Variants in PCOLCE2 observed in about 807,000 individuals in gnomAD.
PCOLCE2 encodes procollagen C-endopeptidase enhancer 2, also known as procollagen C-proteinase enhancer 2.
PCOLCE2 carries 42 observed loss-of-function variants against 47.0 expected under a neutral mutation model. That is an observed-to-expected ratio of 0.89 (90% CI 0.70 to 1.16). PCOLCE2 has a LOEUF of 1.16. Among genes scored for constraint, PCOLCE2 ranks in the 50% most tolerant of loss-of-function variants. The probability of loss-of-function intolerance (pLI) is 0.00; values close to 1 mark genes in which losing one functional copy is unlikely to be tolerated. For synonymous variants in PCOLCE2, 169 were observed against 191.7 expected (o/e 0.88, Z 0.98); for missense variants, 500 against 526.1 (o/e 0.95, Z 0.49).
intron 6 of PCOLCE2, among the ~76,000 whole-genome samples, chr3:142,826,078 C>G (rs1020985765): frequency 3.1e-4 from 47 of 152,010 alleles, no homozygotes; most frequent in Non-Finnish European, 5.9e-5. Context: ...GATGTCGGCT[C>G]ACTGCAAACT....
At position 142,848,214 on chromosome 3, in the gene PCOLCE2, T is replaced by C. The variant is rs767917860; in HGVS notation, c.448+3A>G. 26 of 1,613,110 alleles carry C rather than the reference T, an allele frequency of 1.6e-5. 1 individual carries two copies. In the South Asian group the frequency reaches 2.0e-4, roughly 12 times the overall value. On this transcript the variant is annotated splice_donor_region_variant and intron_variant, in intron 3 of 8. Coordinates refer to ENST00000295992, the MANE Select transcript of PCOLCE2 (RefSeq NM_013363.4). ...TGTTATTGCCATTATGTGGAAACAG[T>C]ACCTCTTTCGTTTGGTTCAGCAGCG...
At chr3:142,880,213 G>C (rs745988486) in intron 2 of PCOLCE2, among the ~76,000 whole-genome samples, 4 of 149,770 alleles carry the variant, frequency 2.7e-5, no homozygotes, top group Admixed American at 2.7e-4. Context: ...AATGAGCCTA[G>C]TGCAACCAAT....
At chr3:142,888,289 G>A (rs1355138523) in intron 1 of PCOLCE2, among the ~76,000 whole-genome samples, 1 of 152,218 alleles carries the variant, frequency 6.6e-6, no homozygotes, top group African/African-American at 2.4e-5. Flanking sequence ...GGCTGAAGAG[G>A]TGATGCCAAA....
At chr3:142,820,107 A>T (rs186641364) in intron 8 of PCOLCE2, among the ~76,000 whole-genome samples, 7,788 of 145,230 alleles carry the variant, frequency 0.054, 272 homozygotes, top group Non-Finnish European at 0.078. Flanking sequence ...AGGAACTTAA[A>T]TTTTTTTTTT....
At chr3:142,832,955 A>G (rs188444538) in intron 5 of PCOLCE2, among the ~76,000 whole-genome samples, 1 of 152,182 alleles carries the variant, frequency 6.6e-6, no homozygotes, top group East Asian at 1.9e-4. Flanking sequence ...GCTGGCAGCC[A>G]AGCTCTTCCA....
intron 5 of PCOLCE2, among the ~76,000 whole-genome samples, chr3:142,830,089 T>A (rs774942177): frequency 1.8e-4 from 27 of 152,196 alleles, no homozygotes; most frequent in Non-Finnish European, 2.9e-4. Flanking sequence ...TTTTTATCTC[T>A]TTTTTTATGG....
chr3:142,888,730 C>G (rs937584086), intron 1 of PCOLCE2, 84 bp downstream of exon 1: 15 of 829,324 alleles, frequency 1.8e-5, no homozygotes, highest in Non-Finnish European at 2.6e-5. Flanking sequence ...CGCGCCGAAG[C>G]GGGTTGAGTA....
intron 6 of PCOLCE2, among the ~76,000 whole-genome samples, chr3:142,824,532 C>G (rs573366922): frequency 9.8e-5 from 15 of 152,292 alleles, no homozygotes; most frequent in African/African-American, 3.6e-4. Flanking sequence ...CTAGGAAGAA[C>G]TAAACAGAAC....
intron 4 of PCOLCE2, among the ~76,000 whole-genome samples, chr3:142,839,471 C>T (rs1937241697): frequency 6.6e-6 from 1 of 152,104 alleles, no homozygotes; most frequent in Admixed American, 6.6e-5. Context: ...CGCCACCACA[C>T]TCAGCTAATT....
chr3:142,865,557 C>A (rs191150368), intron 2 of PCOLCE2, among the ~76,000 whole-genome samples: 16 of 152,260 alleles, frequency 1.1e-4, no homozygotes, highest in African/African-American at 3.9e-4. Context: ...TGGCTAGGAA[C>A]ACTGGTTTCT....
At chr3:142,823,717 G>A in intron 6 of PCOLCE2, 102 bp from the exon 7 acceptor site, 2 of 695,230 alleles carry the variant, frequency 2.9e-6, no homozygotes, top group South Asian at 1.8e-5. Context: ...ATTTCCCTGA[G>A]CCACCAATCT....
chr3:142,837,814 T>C (rs1179383363), intron 5 of PCOLCE2, among the ~76,000 whole-genome samples: 1 of 152,228 alleles, frequency 6.6e-6, no homozygotes, highest in Non-Finnish European at 1.5e-5. Context: ...TTGCTCAATG[T>C]CACACAGTTA....
At chr3:142,821,620 A>G (rs1937016301) in intron 7 of PCOLCE2, among the ~76,000 whole-genome samples, 3 of 151,790 alleles carry the variant, frequency 2.0e-5, no homozygotes, top group Non-Finnish European at 4.4e-5. Context: ...ACGGTCTTTC[A>G]TATTCTCTTT....
intron 5 of PCOLCE2, among the ~76,000 whole-genome samples, chr3:142,833,811 T>C (rs1937176774): frequency 6.6e-6 from 1 of 152,166 alleles, no homozygotes; most frequent in African/African-American, 2.4e-5. Context: ...ATTTTTAGGA[T>C]TTCTTAATAC....
intron 3 of PCOLCE2, among the ~76,000 whole-genome samples, chr3:142,844,303 G>A (rs1053924509): frequency 6.6e-5 from 10 of 152,116 alleles, no homozygotes; most frequent in African/African-American, 2.2e-4. Flanking sequence ...ATATAAATTT[G>A]TTTACCCATT....
intron 6 of PCOLCE2, chr3:142,827,307 T>C: frequency 7.4e-7 from 1 of 1,348,866 alleles, no homozygotes; most frequent in African/African-American, 1.4e-5. Flanking sequence ...GCCTTATATT[T>C]GTGGTAGGCT....
intron 2 of PCOLCE2, among the ~76,000 whole-genome samples, chr3:142,850,969 A>G (rs890718980): frequency 6.6e-6 from 1 of 152,126 alleles, no homozygotes; most frequent in Non-Finnish European, 1.5e-5. Context: ...GCAAAGGGGG[A>G]TCTGATCTAC....
chr3:142,858,418 T>A (rs1027768856), intron 2 of PCOLCE2, among the ~76,000 whole-genome samples: 2 of 152,264 alleles, frequency 1.3e-5, no homozygotes, highest in African/African-American at 4.8e-5. Context: ...TTTCGGGATT[T>A]TCTTTGCTAT....
At chr3:142,874,345 A>G (rs112704897) in intron 2 of PCOLCE2, among the ~76,000 whole-genome samples, 185 of 152,224 alleles carry the variant, frequency 1.2e-3, no homozygotes, top group African/African-American at 4.3e-3. Flanking sequence ...AAGTGTTGGG[A>G]TTAAAGGCGT....
Sources: allele counts gnomAD v4.1 joint callset (sites outside exome capture counted in the v4.1 genomes callset), GRCh38; gene constraint gnomAD v4.1.1; transcripts MANE v1.5; gene names NCBI Gene and HGNC (gene_info 2026-07-23, HGNC 2026-07-21).